SERPINB7: variants seen among roughly 807,000 people sequenced by gnomAD.
SERPINB7 encodes serpin family B member 7.
A neutral mutation model predicts 37.4 loss-of-function variants in SERPINB7; 31 were observed. That is an observed-to-expected ratio of 0.83 (90% CI 0.62 to 1.12). SERPINB7 has a LOEUF of 1.12. SERPINB7 is among the 50% of genes most tolerant of loss of function. The pLI is 0.00. For synonymous variants in SERPINB7, 163 were observed against 166.1 expected, an observed-to-expected ratio of 0.98 and a Z score of 0.14; for missense variants, 521 against 455.3, an observed-to-expected ratio of 1.14 and a Z score of -1.31.
intron 2 of SERPINB7, among the ~76,000 whole-genome samples, chr18:63,786,970 G>T (rs2049379962): frequency 6.6e-6 from 1 of 151,734 alleles, no homozygotes; most frequent in Non-Finnish European, 1.5e-5. Context: ...TTTCCCATTT[G>T]GGATTTTTTT....
Position 63,793,262 on chromosome 18 carries a change from G to A in SERPINB7, c.321G>A (p.Val107=). The A allele has an allele frequency of 6.3e-7, 1 of 1,587,002 alleles. No homozygotes were observed. The highest frequency in any genetic ancestry group is 8.6e-7 in the Non-Finnish European group (1 of 1,159,522). ...TGAATGGGCTTTTTGCTGAAAAAGTGTATGGCTTTCATAAGGTAAGTGAAA... is the reference window on the plus strand; with the variant it reads ...TGAATGGGCTTTTTGCTGAAAAAGTATATGGCTTTCATAAGGTAAGTGAAA... ...SIVNGLFAEK[V]YGFHKDYIEC... The change falls in exon 4 of 8, where the codon GTG becomes GTA. Residue 107 remains valine (V), a synonymous_variant. Coordinates refer to ENST00000398019, the MANE Select transcript of SERPINB7 (RefSeq NM_003784.4).
chr18:63,786,432 G>T (rs1330408236), intron 2 of SERPINB7, among the ~76,000 whole-genome samples: 1 of 151,194 alleles, frequency 6.6e-6, no homozygotes, highest in Non-Finnish European at 1.5e-5. Flanking sequence ...GTTATGTTTG[G>T]ATTACAATAT....
intron 2 of SERPINB7, among the ~76,000 whole-genome samples, chr18:63,789,937 G>A (rs549807682): frequency 6.6e-6 from 1 of 152,310 alleles, no homozygotes; most frequent in South Asian, 2.1e-4. Flanking sequence ...TTCCCAGGCT[G>A]TTGAACCAGA....
intron 2 of SERPINB7, among the ~76,000 whole-genome samples, chr18:63,784,504 G>A (rs1046120335): frequency 6.6e-6 from 1 of 152,194 alleles, no homozygotes; most frequent in Non-Finnish European, 1.5e-5. Flanking sequence ...GTATTTTAAA[G>A]TGGGTATTTT....
At chr18:63,774,846 G>C (rs1377880255), upstream of SERPINB7, among the ~76,000 whole-genome samples, 1 of 152,044 alleles carries the variant, frequency 6.6e-6, no homozygotes, top group African/African-American at 2.4e-5. Context: ...TTCCAAGCCA[G>C]AGAAAATTGA....
intron 1 of SERPINB7, among the ~76,000 whole-genome samples, chr18:63,753,592 G>A (rs1362390084): frequency 6.6e-6 from 1 of 152,130 alleles, no homozygotes; most frequent in East Asian, 1.9e-4. Context: ...TTACAAGCTA[G>A]TTTTACTTTT....
chr18:63,801,852 G>A (rs886780680), intron 7 of SERPINB7, among the ~76,000 whole-genome samples: 2 of 152,076 alleles, frequency 1.3e-5, no homozygotes, highest in African/African-American at 2.4e-5. Context: ...AGTCATTGAG[G>A]GGGTTACAAA....
chr18:63,778,196 G>T (rs1238975153), intron 1 of SERPINB7: 4 of 151,956 alleles, frequency 2.6e-5, no homozygotes, highest in East Asian at 1.9e-4. Context: ...GGCATTATAG[G>T]TTGGAATATA....
In SERPINB7 at chr18:63,798,589, T is replaced by TA. The variant is rs1263179935; in HGVS notation, c.455-15_455-14insA. 3 of 1,432,890 alleles carry TA rather than the reference T, an allele frequency of 2.1e-6. No individual in the cohort carries two copies. Among genetic ancestry groups the TA allele is most frequent in the Non-Finnish European group, 2.7e-6 (3 of 1,098,856 alleles). The allele number at this position is 1,432,890 out of a possible 1,614,324, so 88.8% of individuals were successfully genotyped here. ...ATTAAAATAAACATTTTTCCCTCAA[T>TA]TTTTTTTTCAAAAGGCAAAATCAAG... On this transcript the variant is annotated splice_polypyrimidine_tract_variant and intron_variant, in intron 5 of 7. Coordinates refer to ENST00000398019, the MANE Select transcript of SERPINB7 (RefSeq NM_003784.4).
chr18:63,791,741 G>T (rs1359554238), intron 2 of SERPINB7, among the ~76,000 whole-genome samples: 4 of 151,900 alleles, frequency 2.6e-5, no homozygotes, highest in African/African-American at 9.7e-5. Flanking sequence ...CTCCCGAGTA[G>T]CTGGGACTAT....
In SERPINB7 at chr18:63,804,626, T is replaced by C. The variant is rs1431473039; in HGVS notation, c.1134T>C (p.Ser378=). Reference sequence around the variant, plus strand: ...TCATCTTATTCAGTGGCAAAGTTTCTTGCCCTTGAAAATCCAATTGGTTTC... The same window carrying C: ...TCATCTTATTCAGTGGCAAAGTTTCCTGCCCTTGAAAATCCAATTGGTTTC... ...DDIILFSGKV[S]CP is the part of the protein sequence containing the mutation. Residue 378 remains serine (S), a synonymous_variant, in exon 8 of 8, where the codon TCT becomes TCC. Transcript: ENST00000398019. 10 of 1,605,600 alleles carry C rather than the reference T, an allele frequency of 6.2e-6. No individual in the cohort carries two copies. The East Asian group carries it at 1.6e-4, about 25-fold the overall frequency.
At chr18:63,787,768 C>G (rs972009888) in intron 2 of SERPINB7, among the ~76,000 whole-genome samples, 1 of 152,156 alleles carries the variant, frequency 6.6e-6, no homozygotes, top group Non-Finnish European at 1.5e-5. Context: ...ATTCCTTTCT[C>G]TGCAAGGCTT....
intron 1 of SERPINB7, among the ~76,000 whole-genome samples, chr18:63,767,693 G>T (rs1359735110): frequency 6.6e-6 from 1 of 151,840 alleles, no homozygotes; most frequent in East Asian, 1.9e-4. Flanking sequence ...GCTCATAAAT[G>T]AGCTGGAAAC....
chr18:63,801,199 A>ATTGACTTAAC (rs1355708491), intron 7 of SERPINB7, among the ~76,000 whole-genome samples, 187 bp downstream of exon 7: 2 of 152,160 alleles, frequency 1.3e-5, no homozygotes, highest in Admixed American at 1.3e-4. Flanking sequence ...AGTTGCTGAG[A>ATTGACTTAAC]TTGACTTAAC....
upstream of SERPINB7, among the ~76,000 whole-genome samples, chr18:63,771,746 C>A (rs76706922): frequency 7.2e-5 from 11 of 151,988 alleles, no homozygotes; most frequent in Admixed American, 4.6e-4. Context: ...TTCTCATAGA[C>A]CCTTATGAGA....
intron 1 of SERPINB7, among the ~76,000 whole-genome samples, chr18:63,781,955 T>C (rs1395259): frequency 0.39 from 59,545 of 152,070 alleles, 12,005 homozygotes; most frequent in Middle Eastern, 0.53. Flanking sequence ...AATTTAACAT[T>C]GTATTGAATT....
In SERPINB7 at chr18:63,787,183, T is replaced by C. The variant is rs562671471; in HGVS notation, c.168+4643T>C. 1.1e-4 allele frequency among the ~76,000 whole-genome samples: 17 copies of C among 152,310 alleles called. No homozygotes were observed. The South Asian group carries it at 3.3e-3, about 30-fold the overall frequency. ...TATGGAATTTTCTACTTGCGTCATG[T>C]TGATGCTCAAAAATTTCAGAATTTG... On this transcript the variant is annotated intron_variant, in intron 2 of 7. Transcript: ENST00000398019.
rs553762049 is a variant in SERPINB7, at chr18:63,756,172, A to G, written c.-19+3052A>G. ...ACATGAACTTTTGAGGTTTAAAAGT[A>G]GGTGCTTTTCCTCAATGTGCACAGG... is the stretch of plus-strand genomic sequence containing the variant. On this transcript the variant is annotated intron_variant, in intron 1 of 7. Coordinates refer to the SERPINB7 transcript ENST00000336429. Among the ~76,000 whole-genome samples the G allele has an allele frequency of 4.6e-5, 7 of 152,238 alleles. No homozygotes were observed. The South Asian group carries it at 1.5e-3, about 32-fold the overall frequency.
At chr18:63,787,072 T>C (rs2049380973) in intron 2 of SERPINB7, among the ~76,000 whole-genome samples, 1 of 152,196 alleles carries the variant, frequency 6.6e-6, no homozygotes, top group Non-Finnish European at 1.5e-5. Flanking sequence ...CCTATACATA[T>C]AGCATGAAGG....
Sources: gnomAD v4.1 joint callset for allele counts (sites outside exome capture counted in the v4.1 genomes callset) on GRCh38, gnomAD v4.1.1 for gene constraint, MANE v1.5 for transcripts, NCBI Gene and HGNC (gene_info 2026-07-23, HGNC 2026-07-21) for gene names.